Variants in LMO3 observed in about 807,000 individuals in gnomAD.
The protein encoded by LMO3 is LIM domain only 3.
LMO3 carries 2 observed loss-of-function variants against 15.8 expected under a neutral mutation model. The ratio of observed to expected loss-of-function variants is 0.13; its 90% CI spans 0.05 to 0.40. The LOEUF (loss-of-function observed/expected upper bound fraction) is 0.40. Among genes scored for constraint, LMO3 ranks in the 10% least tolerant of loss-of-function variants. The pLI is 0.99. For missense variants in LMO3, 86 were observed against 182.2 expected, an observed-to-expected ratio of 0.47 and a Z score of 3.04; for synonymous variants, 62 against 63.8, an observed-to-expected ratio of 0.97 and a Z score of 0.13.
intron 2 of LMO3, among the ~76,000 whole-genome samples, chr12:16,592,872 A>G (rs1943536182): frequency 6.6e-6 from 1 of 151,936 alleles, no homozygotes; most frequent in Non-Finnish European, 1.5e-5. Context: ...AATAATTTCA[A>G]AAACAGGTAA....
chr12:16,575,757 A>G (rs1942974123), intron 2 of LMO3, among the ~76,000 whole-genome samples: 3 of 152,036 alleles, frequency 2.0e-5, no homozygotes, highest in African/African-American at 4.8e-5. Context: ...ATTCACTACT[A>G]CCTCTTAAAG....
At chr12:16,554,953 C>T (rs549058364) in intron 3 of LMO3, among the ~76,000 whole-genome samples, 19 of 152,308 alleles carry the variant, frequency 1.2e-4, no homozygotes, top group South Asian at 1.0e-3. Context: ...TTAGCCACCG[C>T]GCCCGGCCAG....
At chr12:16,608,721 G>GGAGAGACAGAGGAGAGA (rs1565521441), upstream of LMO3, 3 of 151,864 alleles carry the variant, frequency 2.0e-5, no homozygotes, top group East Asian at 1.9e-4. The surrounding 1 kb of genome is among the most constrained non-coding windows in gnomAD (Gnocchi z 4.1). Context: ...AGAGAGAGAA[G>GGAGAGACAGAGGAGAGA]GAGAGACAGA....
In LMO3 at chr12:16,587,476, T is replaced by A. The variant is rs1943356959; in HGVS notation, c.206+13179A>T. On this transcript the variant is annotated intron_variant, in intron 2 of 3. Coordinates refer to ENST00000537304, the MANE Select transcript of LMO3 (RefSeq NM_018640.5). The surrounding 1 kb of genome is among the most constrained non-coding windows in gnomAD (Gnocchi z 4.3). Reference sequence around the variant, plus strand: ...CAAGTTCGATTTTTTTTTCTTTTACTTTGCCTACTACTAGCAAATAAACTG... The same window carrying A: ...CAAGTTCGATTTTTTTTTCTTTTACATTGCCTACTACTAGCAAATAAACTG... Among the ~76,000 whole-genome samples, 1 of 152,198 alleles carries A rather than the reference T, an allele frequency of 6.6e-6. No individual in the cohort carries two copies. The highest frequency in any genetic ancestry group is 1.5e-5 in the Non-Finnish European group (1 of 68,040).
chr12:16,548,968 G>A lies in LMO3; in HGVS notation c.*2254C>T, dbSNP rs1242066710. On this transcript the variant is annotated 3_prime_UTR_variant, in exon 4 of 4. Transcript: ENST00000537304. The surrounding 1 kb of genome is among the most constrained non-coding windows in gnomAD (Gnocchi z 4.2). Reference sequence around the variant, plus strand: ...TGGTCTTCCAGTGGCAAGGATAGTTGAACAACTTCAAGAAGCTGAGAGAAG... The same window carrying A: ...TGGTCTTCCAGTGGCAAGGATAGTTAAACAACTTCAAGAAGCTGAGAGAAG... 2 of 152,114 alleles carry A rather than the reference G, an allele frequency of 1.3e-5. No individual in the cohort carries two copies. Among genetic ancestry groups the A allele is most frequent in the Non-Finnish European group, 2.9e-5 (2 of 68,014 alleles). 9.4% of individuals were successfully genotyped at this position (152,114 alleles called of 1,614,324 possible). A position where few individuals can be genotyped will look rare whatever the true frequency, so the allele number is the denominator to read the frequency against.
At chr12:16,606,571 C>CT (rs1944010133), upstream of LMO3, 1 of 152,060 alleles carries the variant, frequency 6.6e-6, no homozygotes, top group South Asian at 2.1e-4. Flanking sequence ...CTCCCTCCCT[C>CT]TCTCGCTGGC....
chr12:16,593,681 G>A lies in LMO3; in HGVS notation c.206+6974C>T, dbSNP rs1943561629. On this transcript the variant is annotated intron_variant, in intron 2 of 3. Transcript: ENST00000537304. The surrounding 1 kb of genome is among the most constrained non-coding windows in gnomAD (Gnocchi z 4.2). ...AGAAAACGTTTGGCTTCTATAATAAGAGGATATGCTTAGGTCCTAATTCCT... is the reference window on the plus strand; with the variant it reads ...AGAAAACGTTTGGCTTCTATAATAAAAGGATATGCTTAGGTCCTAATTCCT... Among the ~76,000 whole-genome samples, 1 of 151,708 alleles carries A rather than the reference G, an allele frequency of 6.6e-6. No individual in the cohort carries two copies. Among genetic ancestry groups the A allele is most frequent in the African/African-American group, 2.4e-5 (1 of 41,380 alleles).
intron 3 of LMO3, among the ~76,000 whole-genome samples, chr12:16,551,593 C>T (rs1385429174): frequency 5.1e-5 from 7 of 136,016 alleles, no homozygotes; most frequent in African/African-American, 1.1e-4. Flanking sequence ...AGATGACTTG[C>T]TTTTTTTTTT....
At position 16,590,662 on chromosome 12, in the gene LMO3, T is replaced by A. The variant is rs549344536; in HGVS notation, c.206+9993A>T. On this transcript the variant is annotated intron_variant, in intron 2 of 3. Coordinates refer to ENST00000537304, the MANE Select transcript of LMO3 (RefSeq NM_018640.5). ...AGTTTGATGACATCTTTGGTCAAGA[T>A]CTTACTCTCATAAATGCTGTGTTGG... is the stretch of plus-strand genomic sequence containing the variant. 3.2e-4 allele frequency among the ~76,000 whole-genome samples: 48 copies of A among 152,156 alleles called. No homozygotes were observed. The South Asian group carries it at 9.5e-3, about 30-fold the overall frequency.
chr12:16,608,606 T>A (rs1461250192), upstream of LMO3: 1 of 152,144 alleles, frequency 6.6e-6, no homozygotes, highest in Admixed American at 6.6e-5. This position sits in a 1 kb window ranked among gnomAD's most constrained non-coding sequence, Gnocchi z 4.1. Flanking sequence ...GATCTCTAAG[T>A]GCATCCCATC....
chr12:16,600,904 C>CT, intron 1 of LMO3, 36 bp from the exon 2 acceptor site: 1 of 1,453,986 alleles, frequency 6.9e-7, no homozygotes, highest in Non-Finnish European at 9.6e-7. Context: ...AGAGCTGAGA[C>CT]TACCAGACAG....
At chr12:16,605,132 C>A (rs2137738887) in intron 1 of LMO3, 1 of 1,406,766 alleles carries the variant, frequency 7.1e-7, no homozygotes, top group South Asian at 1.6e-5. Flanking sequence ...TCGCAGTGTG[C>A]AAAATGATGG....
At chr12:16,561,635 C>T (rs1942408718) in intron 2 of LMO3, among the ~76,000 whole-genome samples, 1 of 152,208 alleles carries the variant, frequency 6.6e-6, no homozygotes, top group South Asian at 2.1e-4. Context: ...CACAAATGTG[C>T]TGAAGTCTCT....
chr12:16,595,655 AAG>A (rs1279506498), intron 2 of LMO3, among the ~76,000 whole-genome samples: 1 of 151,514 alleles, frequency 6.6e-6, no homozygotes, highest in African/African-American at 2.4e-5. Flanking sequence ...GATAATTTTT[AAG>A]GAATATAACA....
chr12:16,552,956 T>G (rs148142240), intron 3 of LMO3, among the ~76,000 whole-genome samples: 1 of 152,092 alleles, frequency 6.6e-6, no homozygotes, highest in Non-Finnish European at 1.5e-5. Context: ...TTCCCACTTA[T>G]GATAATTGAA....
In LMO3 at chr12:16,596,919, A is replaced by ATAATTATAAATGC. The variant is rs1943677146; in HGVS notation, c.206+3723_206+3735dup. Among the ~76,000 whole-genome samples the ATAATTATAAATGC allele has an allele frequency of 1.3e-5, 2 of 151,784 alleles. No homozygotes were observed. The highest frequency in any genetic ancestry group is 4.1e-4 in the South Asian group (2 of 4,838). ...TAAGTTACTCTTCAAAAAAATAAAA[A>ATAATTATAAATGC]TAATTATAAATGCATTGGATAGATT... On this transcript the variant is annotated intron_variant, in intron 2 of 3. Transcript: ENST00000537304. The surrounding 1 kb of genome is among the most constrained non-coding windows in gnomAD (Gnocchi z 4.3).
chr12:16,594,762 A>G (rs1176533403), intron 2 of LMO3, among the ~76,000 whole-genome samples: 4 of 151,632 alleles, frequency 2.6e-5, no homozygotes, highest in Non-Finnish European at 4.4e-5. Flanking sequence ...TCTACAATTT[A>G]TATATTCATC....
At chr12:16,592,984 T>G (rs1349766371) in intron 2 of LMO3, among the ~76,000 whole-genome samples, 2 of 151,802 alleles carry the variant, frequency 1.3e-5, no homozygotes, top group Non-Finnish European at 1.5e-5. Context: ...AGCTTTTCCC[T>G]CTTGTTGCTT....
chr12:16,598,287 T>G lies in LMO3; in HGVS notation c.206+2368A>C, dbSNP rs1206596609. On this transcript the variant is annotated intron_variant, in intron 2 of 3. Coordinates refer to ENST00000537304, the MANE Select transcript of LMO3 (RefSeq NM_018640.5). The surrounding 1 kb of genome is among the most constrained non-coding windows in gnomAD (Gnocchi z 4.3). ...TACACACACCAATTCTCCACTTCACTTCTGCAATTTTAAGTGTTGATGAAG... is the reference window on the plus strand; with the variant it reads ...TACACACACCAATTCTCCACTTCACGTCTGCAATTTTAAGTGTTGATGAAG... 1 of 152,104 alleles carries G rather than the reference T, an allele frequency of 6.6e-6. No individual in the cohort carries two copies. The highest frequency in any genetic ancestry group is 1.5e-5 in the Non-Finnish European group (1 of 67,990). 9.4% of individuals were successfully genotyped at this position (152,104 alleles called of 1,614,324 possible). A position where few individuals can be genotyped will look rare whatever the true frequency, so the allele number is the denominator to read the frequency against.
Sources: allele counts gnomAD v4.1 joint callset (sites outside exome capture counted in the v4.1 genomes callset), GRCh38; gene constraint gnomAD v4.1.1; non-coding constraint Gnocchi (gnomAD v3.1); transcripts MANE v1.5; gene names NCBI Gene and HGNC (gene_info 2026-07-23, HGNC 2026-07-21).